Variants in IGF1R observed in about 807,000 individuals in gnomAD.
The protein encoded by IGF1R is insulin like growth factor 1 receptor, also known as insulin-like growth factor 1 receptor.
A neutral mutation model predicts 144.6 loss-of-function variants in IGF1R; 44 were observed. The observed-to-expected ratio is 0.30, with a 90% CI of 0.24 to 0.39. The LOEUF is 0.39. IGF1R is among the 10% of genes least tolerant of loss of function. The pLI, the probability that IGF1R is intolerant of heterozygous loss-of-function variation, is 1.00. For missense variants in IGF1R, 1,355 were observed against 1,833.7 expected, an observed-to-expected ratio of 0.74 and a Z score of 4.77; for synonymous variants, 795 against 722.8, an observed-to-expected ratio of 1.10 and a Z score of -1.60.
At chr15:98,916,262 T>G (rs1050885481) in intron 9 of IGF1R, 131 bp downstream of exon 9, 219 of 233,850 alleles carry the variant, frequency 9.4e-4, no homozygotes, top group African/African-American at 9.2e-3. Flanking sequence ...TATCTTCTGG[T>G]TTTTTTTTTT....
chr15:98,687,112 C>T (rs1304871773), intron 1 of IGF1R, among the ~76,000 whole-genome samples: 5 of 152,114 alleles, frequency 3.3e-5, no homozygotes. Context: ...TGATTACTTC[C>T]TTGTCATTCA....
chr15:98,929,590 G>A lies in IGF1R; in HGVS notation c.2815G>A (p.Ala939Thr), dbSNP rs755569322. 2.5e-5 allele frequency: 41 copies of A among 1,613,872 alleles called. No individual in the cohort carries two copies. The highest frequency in any genetic ancestry group is 1.1e-4 in the African/African-American group (8 of 74,860). The change falls in exon 14 of 21, where the codon GCT becomes ACT. Residue 939 changes from alanine (A) to threonine (T), a missense_variant. Physicochemically the swap from Ala to Thr is moderately conservative, Grantham distance 58. Transcript: ENST00000650285. ...TGAAAACTTCATCCATCTGATCATC[G>A]CTCTGCCCGTCGCTGTCCTGTTGAT... ...GYENFIHLII[A>T]LPVAVLLIVG...
At chr15:98,665,130 T>G (rs140123225) in intron 1 of IGF1R, among the ~76,000 whole-genome samples, 4,788 of 152,148 alleles carry the variant, frequency 0.031, 96 homozygotes, top group South Asian at 0.052. Flanking sequence ...TTTTTGTATT[T>G]TTAGTAGAGA....
intron 2 of IGF1R, among the ~76,000 whole-genome samples, chr15:98,836,129 A>G (rs2057095493): frequency 6.6e-6 from 1 of 152,148 alleles, no homozygotes; most frequent in Admixed American, 6.5e-5. Flanking sequence ...AGCCCAAACC[A>G]GCAACTTTGT....
rs1175806908 is a variant in IGF1R at position 98,964,513 on chromosome 15, AAAAT to A, written c.*7074_*7077del. 2.9e-4 allele frequency: 61 copies of A among 211,174 alleles called. No homozygotes were observed. Among genetic ancestry groups the A allele is most frequent in the Middle Eastern group, 1.5e-3 (1 of 656 alleles). The allele number at this position is 211,174 out of a possible 1,614,324, so 13.1% of individuals were successfully genotyped here. ...AAGTACTACATGGTTTAAGTTAAAT[AAAAT>A]AATTCTGTATGCATTTCTGTCTCTG... On this transcript the variant is annotated 3_prime_UTR_variant, in exon 21 of 21. Transcript: ENST00000650285.
At position 98,964,180 on chromosome 15, in the gene IGF1R, ATGC is replaced by A; in HGVS notation, c.*6739_*6741del. On this transcript the variant is annotated 3_prime_UTR_variant, in exon 21 of 21. Transcript: ENST00000650285. ...GGATGGAATGGATGCACCGCAAATA[ATGC>A]ATTTTCTGAGTTTTCTTGTTAAAAA... The A allele has an allele frequency of 4.3e-6, 1 of 232,916 alleles. No homozygotes were observed. Among genetic ancestry groups the A allele is most frequent in the Non-Finnish European group, 8.5e-6 (1 of 117,650 alleles). 14.4% of individuals were successfully genotyped at this position (232,916 alleles called of 1,614,324 possible). A position where few individuals can be genotyped will look rare whatever the true frequency, so the allele number is the denominator to read the frequency against.
At chr15:98,775,579 G>A (rs958918112) in intron 2 of IGF1R, among the ~76,000 whole-genome samples, 2 of 152,186 alleles carry the variant, frequency 1.3e-5, no homozygotes, top group African/African-American at 4.8e-5. Context: ...CCACTTGTCG[G>A]GGAAGCAGCT....
At chr15:98,802,842 A>T (rs1045759944) in intron 2 of IGF1R, among the ~76,000 whole-genome samples, 7 of 152,220 alleles carry the variant, frequency 4.6e-5, no homozygotes, top group African/African-American at 1.7e-4. Context: ...TTCCTACAGG[A>T]AACTTATTAT....
rs144561355 is a variant in IGF1R at position 98,963,617 on chromosome 15, A to G, written c.*6175A>G. The G allele has an allele frequency of 3.1e-4, 73 of 233,274 alleles. No homozygotes were observed. Among genetic ancestry groups the G allele is most frequent in the East Asian group, 2.9e-3 (48 of 16,592 alleles). 14.5% of individuals were successfully genotyped at this position (233,274 alleles called of 1,614,324 possible). Reference sequence around the variant, plus strand: ...ATGGGAAGACTTGACTGCACAGCCAATGGTTTTCATGATGATTACAGCATA... The same window carrying G: ...ATGGGAAGACTTGACTGCACAGCCAGTGGTTTTCATGATGATTACAGCATA... On this transcript the variant is annotated 3_prime_UTR_variant, in exon 21 of 21. Transcript: ENST00000650285.
Position 98,757,525 on chromosome 15 carries a change from G to A in IGF1R, c.640+49418G>A, listed in dbSNP as rs542571384. Reference sequence around the variant, plus strand: ...GAAATGCTTAGTGTATTTATCTGCCGTTTTGCTTGATGCATCAATATGTGT... The same window carrying A: ...GAAATGCTTAGTGTATTTATCTGCCATTTTGCTTGATGCATCAATATGTGT... On this transcript the variant is annotated intron_variant, in intron 2 of 20. Transcript: ENST00000650285. Among the ~76,000 whole-genome samples the A allele has an allele frequency of 3.0e-3, 450 of 151,998 alleles. 4 individuals are homozygous for A. The highest frequency in any genetic ancestry group is 5.3e-3 in the Non-Finnish European group (362 of 67,992).
chr15:98,909,914 G>A (rs2014928895), intron 6 of IGF1R, among the ~76,000 whole-genome samples: 1 of 152,196 alleles, frequency 6.6e-6, no homozygotes, highest in Non-Finnish European at 1.5e-5. Flanking sequence ...GTGGCTCTCT[G>A]GCTGGATAGG....
intron 1 of IGF1R, among the ~76,000 whole-genome samples, chr15:98,664,134 A>G (rs2141182403): frequency 6.6e-6 from 1 of 152,278 alleles, no homozygotes; most frequent in East Asian, 1.9e-4. Flanking sequence ...TGCTATTAGG[A>G]GAGTGAATTC....
intron 1 of IGF1R, among the ~76,000 whole-genome samples, chr15:98,687,110 T>C (rs1567075834): frequency 2.0e-5 from 3 of 152,212 alleles, no homozygotes; most frequent in Admixed American, 6.5e-5. Context: ...ACTGATTACT[T>C]CCTTGTCATT....
chr15:98,932,514 C>T (rs1352935662), intron 15 of IGF1R, among the ~76,000 whole-genome samples: 8 of 152,130 alleles, frequency 5.3e-5, no homozygotes. Context: ...AAGGATTGAG[C>T]GTATTGACTT....
intron 2 of IGF1R, among the ~76,000 whole-genome samples, chr15:98,736,998 C>T (rs1458409465): frequency 6.6e-6 from 1 of 152,086 alleles, no homozygotes; most frequent in East Asian, 1.9e-4. Context: ...TGTGAATTGC[C>T]AAGACTCGTA....
chr15:98,878,840 C>A (rs921460174), intron 2 of IGF1R, among the ~76,000 whole-genome samples: 1 of 151,856 alleles, frequency 6.6e-6, no homozygotes, highest in South Asian at 2.1e-4. Flanking sequence ...ACTAAAAATA[C>A]AAAAAATTAG....
rs148859829 is a variant in IGF1R, at chr15:98,960,185, G to C, written c.*2743G>C. On this transcript the variant is annotated 3_prime_UTR_variant, in exon 21 of 21. Coordinates refer to ENST00000650285, the MANE Select transcript of IGF1R (RefSeq NM_000875.5). ...CACGCCACAGGCGCCACACCCAGGT[G>C]ATGCAGGGGGAAGCCAGGCTGTATT... is the stretch of plus-strand genomic sequence containing the variant. The C allele has an allele frequency of 3.0e-4, 69 of 233,772 alleles. No homozygotes were observed. The highest frequency in any genetic ancestry group is 1.4e-3 in the African/African-American group (65 of 45,500). The allele number at this position is 233,772 out of a possible 1,614,324, so 14.5% of individuals were successfully genotyped here. A position where few individuals can be genotyped will look rare whatever the true frequency, so the allele number is the denominator to read the frequency against.
intron 20 of IGF1R, among the ~76,000 whole-genome samples, chr15:98,954,669 G>C (rs1332094091): frequency 6.6e-6 from 1 of 152,184 alleles, no homozygotes; most frequent in South Asian, 2.1e-4. Flanking sequence ...AGGGCACAGA[G>C]CCAAGCACAT....
rs557126299 is a variant in IGF1R, at chr15:98,916,226, A to C, written c.1996+95A>C. The C allele has an allele frequency of 2.5e-5, 28 of 1,135,480 alleles. No individual in the cohort carries two copies. In the East Asian group the frequency reaches 5.4e-4, roughly 22 times the overall value. 70.3% of individuals were successfully genotyped at this position (1,135,480 alleles called of 1,614,324 possible). On this transcript the variant is annotated intron_variant, in intron 9 of 20. Transcript: ENST00000650285. ...CCTAATATTACACGTATCAGACAAC[A>C]GTGTAGTTCTCCATTGGAAACCAGC...
Sources: gnomAD v4.1 joint callset for allele counts (sites outside exome capture counted in the v4.1 genomes callset) on GRCh38, gnomAD v4.1.1 for gene constraint, MANE v1.5 for transcripts, NCBI Gene and HGNC (gene_info 2026-07-23, HGNC 2026-07-21) for gene names.